The following FYB2 variants were observed in gnomAD, a reference collection of about 807,000 sequenced individuals.
FYB2 encodes the protein FYN binding protein 2.
In FYB2, 103 loss-of-function variants were observed where a neutral mutation model predicts 94.1. That is an observed-to-expected ratio of 1.09 (90% CI 0.93 to 1.29). FYB2 has a LOEUF of 1.29. FYB2 is among the 50% of genes most tolerant of loss of function. FYB2 has a pLI of 0.00. For missense variants in FYB2, 896 were observed against 841.5 expected (o/e 1.06, Z -0.80); for synonymous variants, 293 against 287.9 (o/e 1.02, Z -0.18).
At chr1:56,723,944 T>C (rs1477531353) in intron 16 of FYB2, among the ~76,000 whole-genome samples, 1 of 152,064 alleles carries the variant, frequency 6.6e-6, no homozygotes, top group Non-Finnish European at 1.5e-5. Context: ...CAATTGCTTT[T>C]CGCTACAATT....
At chr1:56,789,407 C>T (rs953662927) in intron 2 of FYB2, among the ~76,000 whole-genome samples, 1 of 152,192 alleles carries the variant, frequency 6.6e-6, no homozygotes, top group African/African-American at 2.4e-5. Context: ...TATTATATGT[C>T]TTGCTTCCCC....
chr1:56,761,055 C>T (rs754526103), intron 5 of FYB2, among the ~76,000 whole-genome samples: 4 of 152,062 alleles, frequency 2.6e-5, no homozygotes, highest in Non-Finnish European at 5.9e-5. Context: ...AGAGAAAGGA[C>T]AAATATCTGA....
At chr1:56,813,204 G>A (rs1646806613) in intron 1 of FYB2, among the ~76,000 whole-genome samples, 1 of 152,172 alleles carries the variant, frequency 6.6e-6, no homozygotes, top group African/African-American at 2.4e-5. Context: ...TTAACTTGAT[G>A]TATTAGTCCG....
chr1:56,792,455 A>T lies in FYB2; in HGVS notation c.358T>A (p.Ser120Thr), dbSNP rs1172090933. ...TCCTTAGTGATTATCTCAACATTTG[A>T]TTGAGTCACCTCTAACAGCAGAGAA... is the stretch of plus-strand genomic sequence containing the variant. ...KASLLLEVTQSNVEIITKEKV... is the reference protein window; with the variant it reads ...KASLLLEVTQTNVEIITKEKV... The change falls in exon 2 of 20, where the codon TCA (serine) becomes ACA (threonine). Residue 120 changes from serine (S) to threonine (T), a missense_variant. Ser to Thr is a moderately conservative substitution (Grantham distance 58, BLOSUM62 1). Transcript: ENST00000343433. 2 of 1,614,192 alleles carry T rather than the reference A, an allele frequency of 1.2e-6. No individual in the cohort carries two copies. The highest frequency in any genetic ancestry group is 3.3e-5 in the Admixed American group (2 of 60,030).
chr1:56,778,381 A>G (rs1157008685), intron 4 of FYB2, among the ~76,000 whole-genome samples: 1 of 152,176 alleles, frequency 6.6e-6, no homozygotes, highest in Non-Finnish European at 1.5e-5. Flanking sequence ...GATCTTGAAT[A>G]TCACTTGCTG....
chr1:56,823,408 C>A (rs748661395), upstream of FYB2, among the ~76,000 whole-genome samples: 4 of 152,054 alleles, frequency 2.6e-5, no homozygotes, highest in Non-Finnish European at 4.4e-5. Context: ...AAACATGGGA[C>A]AATTCGTATA....
intron 1 of FYB2, among the ~76,000 whole-genome samples, chr1:56,808,510 G>A (rs1646695313): frequency 6.6e-6 from 1 of 152,142 alleles, no homozygotes; most frequent in Non-Finnish European, 1.5e-5. Context: ...ACCTTCTTGT[G>A]AGAAAGGTTT....
chr1:56,743,895 T>C (rs1289301189), intron 11 of FYB2, 131 bp downstream of exon 11: 7 of 932,974 alleles, frequency 7.5e-6, no homozygotes, highest in East Asian at 2.6e-5. Context: ...ATCTTGGTAT[T>C]GCTTCTCTTA....
Position 56,742,528 on chromosome 1 carries a change from T to TG in FYB2, c.1544-308_1544-307insC. Among the ~76,000 whole-genome samples, 2 of 152,228 alleles carry TG rather than the reference T, an allele frequency of 1.3e-5. 1 individual carries two copies. Among genetic ancestry groups the TG allele is most frequent in the Middle Eastern group, 6.8e-3 (2 of 294 alleles). On this transcript the variant is annotated intron_variant, in intron 11 of 19. Transcript: ENST00000343433. The stretch of plus-strand genomic sequence containing the variant: ...CCTTCCACCCTCCCTCCTTCCTGTA[T>TG]TTAATACATAACAATCAGAATTTAC...
intron 9 of FYB2, 141 bp from the exon 10 acceptor site, chr1:56,744,407 T>C (rs1645025772): frequency 6.2e-6 from 4 of 640,416 alleles, no homozygotes; most frequent in East Asian, 2.7e-5. Context: ...TTGGTATGTA[T>C]GATCCTTGGG....
At chr1:56,779,706 G>A (rs1220912403) in intron 4 of FYB2, among the ~76,000 whole-genome samples, 1 of 152,004 alleles carries the variant, frequency 6.6e-6, no homozygotes, top group Non-Finnish European at 1.5e-5. Flanking sequence ...TCAGTCATTC[G>A]ATAATTATTG....
chr1:56,719,551 T>A lies in FYB2; in HGVS notation c.*120A>T. ...TTCTCTTTTAAGTTCAGAACGAAAG[T>A]TTCCACAGATTCCACCATCTCAAAA... On this transcript the variant is annotated 3_prime_UTR_variant, in exon 20 of 20. Transcript: ENST00000343433. 3.5e-6 allele frequency: 3 copies of A among 851,002 alleles called. No homozygotes were observed. The South Asian group carries it at 6.1e-5, about 17-fold the overall frequency. 52.7% of individuals were successfully genotyped at this position (851,002 alleles called of 1,614,324 possible).
rs1243621644 is a variant in FYB2 at position 56,742,181 on chromosome 1, C to G, written c.1584G>C (p.Lys528Asn). 33 of 1,605,554 alleles carry G rather than the reference C, an allele frequency of 2.1e-5. No individual in the cohort carries two copies. Among genetic ancestry groups the G allele is most frequent in the Non-Finnish European group, 2.7e-5 (32 of 1,173,990 alleles). Residue 528 changes from lysine (K) to asparagine (N), a missense_variant, in exon 12 of 20, where the codon AAG becomes AAC. By Grantham distance (94) the Lys-to-Asn change is moderately conservative (BLOSUM62 0). Transcript: ENST00000343433. ...RELYEDVYKTKNNYPKIDLDG... is the reference protein window; with the variant it reads ...RELYEDVYKTNNNYPKIDLDG... The stretch of plus-strand genomic sequence containing the variant: ...CTCACTCTATCTTTGGGTAGTTGTT[C>G]TTTGTTTTGTAGACATCTTCATACA...
intron 5 of FYB2, among the ~76,000 whole-genome samples, chr1:56,767,233 T>C (rs1645645149): frequency 2.0e-5 from 3 of 152,214 alleles, no homozygotes. Flanking sequence ...TTGTACCTTG[T>C]AGAAATGCAA....
chr1:56,726,669 T>G, intron 15 of FYB2, 86 bp from the exon 16 acceptor site: 2 of 1,095,582 alleles, frequency 1.8e-6, no homozygotes, highest in Non-Finnish European at 2.6e-6. Context: ...CAATTATGTT[T>G]TACAAAAAAT....
chr1:56,789,607 T>A (rs1646215439), intron 2 of FYB2, among the ~76,000 whole-genome samples: 1 of 152,222 alleles, frequency 6.6e-6, no homozygotes, highest in African/African-American at 2.4e-5. Flanking sequence ...TGACACCTCC[T>A]CTAGAAAGCT....
chr1:56,826,499 C>G, the FYB2 span: 1 of 152,402 alleles, frequency 6.6e-6, no homozygotes, highest in Non-Finnish European at 1.5e-5. Flanking sequence ...TGCATCTGGC[C>G]TCTGGATGTT....
intron 15 of FYB2, among the ~76,000 whole-genome samples, chr1:56,736,626 G>A (rs1474047415): frequency 6.6e-6 from 1 of 151,834 alleles, no homozygotes; most frequent in Non-Finnish European, 1.5e-5. Context: ...ATGTTTCTCA[G>A]GCTTGTCTTG....
intron 13 of FYB2, 112 bp downstream of exon 13, chr1:56,740,585 G>T: frequency 1.7e-6 from 1 of 599,082 alleles, no homozygotes; most frequent in Non-Finnish European, 2.8e-6. Flanking sequence ...CAGACCCTTG[G>T]TTTTAGTTTC....
Sources: allele counts gnomAD v4.1 joint callset (sites outside exome capture counted in the v4.1 genomes callset), GRCh38; gene constraint gnomAD v4.1.1; transcripts MANE v1.5; gene names NCBI Gene and HGNC (gene_info 2026-07-23, HGNC 2026-07-21).